The following MTAP variants were observed in gnomAD, a reference collection of about 807,000 sequenced individuals.
The protein encoded by MTAP is methylthioadenosine phosphorylase, also known as S-methyl-5'-thioadenosine phosphorylase.
A neutral mutation model predicts 33.6 loss-of-function variants in MTAP; 33 were observed. The observed-to-expected ratio is 0.98, with a 90% CI of 0.74 to 1.31. The LOEUF (loss-of-function observed/expected upper bound fraction) is 1.31, where lower values mean the gene tolerates loss of function less well. Among genes scored for constraint, MTAP ranks in the 40% most tolerant of loss-of-function variants. The pLI is 0.00. For synonymous variants in MTAP, 148 were observed against 125.7 expected, an observed-to-expected ratio of 1.18 and a Z score of -1.19; for missense variants, 367 against 360.0, an observed-to-expected ratio of 1.02 and a Z score of -0.16.
intron 1 of MTAP, chr9:21,803,062 C>CGCG: frequency 1.1e-6 from 1 of 886,812 alleles, no homozygotes. Context: ...TCTGCACCCG[C>CGCG]ACCCTGTAGG....
chr9:21,872,249 G>T (rs888826593), intron 1 of MTAP, among the ~76,000 whole-genome samples: 1 of 152,120 alleles, frequency 6.6e-6, no homozygotes, highest in African/African-American at 2.4e-5. Flanking sequence ...CCCAGAAGGC[G>T]GGAGGTTGCA....
At chr9:21,937,861 C>G (rs1291966577), downstream of MTAP, among the ~76,000 whole-genome samples, 1 of 152,146 alleles carries the variant, frequency 6.6e-6, no homozygotes, top group Non-Finnish European at 1.5e-5. Context: ...AAAGAGAGGT[C>G]AGGCACAGTG....
At chr9:21,912,042 A>G (rs1818587392) in intron 1 of MTAP, among the ~76,000 whole-genome samples, 1 of 152,252 alleles carries the variant, frequency 6.6e-6, no homozygotes, top group Non-Finnish European at 1.5e-5. Flanking sequence ...AGAAATGGAT[A>G]AATTCCTCGA....
intron 1 of MTAP, chr9:21,893,708 G>A (rs1452089540): frequency 6.6e-6 from 1 of 151,980 alleles, no homozygotes; most frequent in African/African-American, 2.4e-5. Context: ...GGAAAAAATT[G>A]AAACCCTGAA....
chr9:21,889,272 G>A (rs148283370), intron 1 of MTAP, among the ~76,000 whole-genome samples: 2 of 151,926 alleles, frequency 1.3e-5, no homozygotes, highest in East Asian at 3.9e-4. Context: ...GCCTATTGTT[G>A]AATTGTTTCA....
intron 1 of MTAP, among the ~76,000 whole-genome samples, chr9:21,899,355 A>G (rs998169704): frequency 2.0e-5 from 3 of 150,030 alleles, no homozygotes; most frequent in African/African-American, 4.9e-5. Context: ...CACGTTGTGC[A>G]TATGTACCGC....
chr9:21,918,876 A>AT (rs1304587982), intron 1 of MTAP, among the ~76,000 whole-genome samples: 1 of 152,134 alleles, frequency 6.6e-6, no homozygotes, highest in Non-Finnish European at 1.5e-5. Context: ...TTCCCTTTAT[A>AT]AATTACCCAG....
intron 1 of MTAP, chr9:21,811,753 G>A (rs538720516): frequency 2.0e-4 from 104 of 530,662 alleles, no homozygotes; most frequent in Non-Finnish European, 3.0e-4. Flanking sequence ...CCATGCCCTC[G>A]CCCGTGTACC....
At chr9:21,821,811 G>T (rs1330904179) in intron 4 of MTAP, among the ~76,000 whole-genome samples, 1 of 152,176 alleles carries the variant, frequency 6.6e-6, no homozygotes, top group Non-Finnish European at 1.5e-5. Context: ...GAGCCTGTTT[G>T]TTATTGGTCT....
At chr9:21,820,226 G>A (rs1394192405) in intron 4 of MTAP, among the ~76,000 whole-genome samples, 3 of 152,194 alleles carry the variant, frequency 2.0e-5, no homozygotes, top group South Asian at 2.1e-4. Flanking sequence ...CCATGCCTAT[G>A]TCCTGAATGG....
chr9:21,914,496 C>G (rs1162069816), intron 1 of MTAP, among the ~76,000 whole-genome samples: 3 of 152,028 alleles, frequency 2.0e-5, no homozygotes, highest in Non-Finnish European at 4.4e-5. Flanking sequence ...ATGGATGAAG[C>G]TGGAAACCAT....
At chr9:21,870,604 C>A (rs1226577876), downstream of MTAP, among the ~76,000 whole-genome samples, 1 of 151,672 alleles carries the variant, frequency 6.6e-6, no homozygotes, top group African/African-American at 2.4e-5. Context: ...GCCACATTTA[C>A]AAAGTAAAAA....
At chr9:21,918,926 A>G (rs1022034248) in intron 1 of MTAP, among the ~76,000 whole-genome samples, 4 of 152,212 alleles carry the variant, frequency 2.6e-5, no homozygotes, top group African/African-American at 9.7e-5. Flanking sequence ...GAACAGACTA[A>G]TAAAATGATA....
At chr9:21,889,044 A>G (rs988454852) in intron 1 of MTAP, among the ~76,000 whole-genome samples, 6 of 152,082 alleles carry the variant, frequency 3.9e-5, no homozygotes, top group African/African-American at 1.4e-4. Context: ...AAGCCAGGGA[A>G]ATTTTCTTTG....
At chr9:21,893,818 T>A in intron 1 of MTAP, 1 of 147,468 alleles carries the variant, frequency 6.8e-6, no homozygotes, top group Non-Finnish European at 1.5e-5. Context: ...CTACCATATG[T>A]AAAAAACAAA....
chr9:21,843,141 TTAAAAC>T (rs1297230584), intron 5 of MTAP, among the ~76,000 whole-genome samples: 2 of 152,038 alleles, frequency 1.3e-5, no homozygotes, highest in Non-Finnish European at 2.9e-5. Context: ...AGAACAGACT[TTAAAAC>T]AACAACAGTT....
At chr9:21,838,047 C>A (rs748736667) in intron 5 of MTAP, 37 bp downstream of exon 5, 3 of 1,568,710 alleles carry the variant, frequency 1.9e-6, no homozygotes, top group South Asian at 2.2e-5. Flanking sequence ...CAGAATAAAT[C>A]ATGTGGGCTT....
intron 4 of MTAP, among the ~76,000 whole-genome samples, chr9:21,830,448 A>G (rs1587223588): frequency 6.6e-6 from 1 of 152,160 alleles, no homozygotes; most frequent in East Asian, 1.9e-4. Context: ...CAAGGTCCCC[A>G]TTGTTAGAGC....
At chr9:21,929,634 C>A in intron 1 of MTAP, 1 of 304,510 alleles carries the variant, frequency 3.3e-6, no homozygotes, top group Non-Finnish European at 6.9e-6. Context: ...CTTATCCAGC[C>A]TGTACCAGAG....
Sources: gnomAD v4.1 joint callset for allele counts (sites outside exome capture counted in the v4.1 genomes callset) on GRCh38, gnomAD v4.1.1 for gene constraint, MANE v1.5 for transcripts, NCBI Gene and HGNC (gene_info 2026-07-23, HGNC 2026-07-21) for gene names.